EXOC6B: variants seen among roughly 807,000 people sequenced by gnomAD.
EXOC6B encodes the protein exocyst complex component 6B.
In EXOC6B, 54 loss-of-function variants were observed where a neutral mutation model predicts 113.5. The ratio of observed to expected loss-of-function variants is 0.48; its 90% confidence interval spans 0.38 to 0.60. The LOEUF is 0.60. Ranked by LOEUF, EXOC6B falls within the 20% of genes least tolerant of loss-of-function variation. The probability of loss-of-function intolerance (pLI) is 0.00; values close to 1 mark genes in which losing one functional copy is unlikely to be tolerated. For synonymous variants in EXOC6B, 357 were observed against 339.0 expected, an observed-to-expected ratio of 1.05 and a Z score of -0.58; for missense variants, 797 against 977.5, an observed-to-expected ratio of 0.82 and a Z score of 2.46.
chr2:72,212,951 G>A (rs1680288480), intron 20 of EXOC6B, among the ~76,000 whole-genome samples: 1 of 149,672 alleles, frequency 6.7e-6, no homozygotes, highest in Admixed American at 7.0e-5. Flanking sequence ...TCAAGAGGTA[G>A]AGCCTATTAC....
chr2:72,401,622 C>CATAT (rs1364126956), intron 18 of EXOC6B, among the ~76,000 whole-genome samples: 5 of 14,498 alleles, frequency 3.4e-4, no homozygotes, highest in East Asian at 1.1e-3. Context: ...TATATATATA[C>CATAT]ATATATATAT....
At chr2:72,516,314 C>A (rs1441294590) in intron 8 of EXOC6B, among the ~76,000 whole-genome samples, 1 of 152,148 alleles carries the variant, frequency 6.6e-6, no homozygotes, top group African/African-American at 2.4e-5. Flanking sequence ...GTGGCACAGT[C>A]TCGGCTCACT....
intron 19 of EXOC6B, among the ~76,000 whole-genome samples, chr2:72,349,488 T>G (rs190754729): frequency 8.5e-4 from 129 of 152,250 alleles, no homozygotes; most frequent in Non-Finnish European, 1.5e-3. Context: ...GTACTGGAGA[T>G]TGAGCTCAAT....
intron 6 of EXOC6B, among the ~76,000 whole-genome samples, chr2:72,656,383 ATAAC>A (rs1403185480): frequency 2.6e-5 from 4 of 152,120 alleles, no homozygotes; most frequent in African/African-American, 4.8e-5. Flanking sequence ...ATAAAGGAGA[ATAAC>A]TAATTGTAAA....
chr2:72,520,822 T>A (rs1453484735), intron 8 of EXOC6B, among the ~76,000 whole-genome samples: 1 of 152,142 alleles, frequency 6.6e-6, no homozygotes, highest in East Asian at 1.9e-4. Flanking sequence ...AAAACCAGAG[T>A]TAATACAGGA....
intron 6 of EXOC6B, among the ~76,000 whole-genome samples, chr2:72,658,395 G>A (rs1449926124): frequency 6.6e-6 from 1 of 150,454 alleles, no homozygotes; most frequent in African/African-American, 2.4e-5. Context: ...AATGTTAAGT[G>A]CACCAAACAT....
chr2:72,197,584 C>A (rs1160773323), intron 20 of EXOC6B, among the ~76,000 whole-genome samples: 1 of 151,724 alleles, frequency 6.6e-6, no homozygotes, highest in Non-Finnish European at 1.5e-5. Flanking sequence ...ACAAGATGGA[C>A]TAGAGGAGAA....
rs919090132 is a variant in EXOC6B at position 72,807,302 on chromosome 2, GTTGAT to G, written c.113+18491_113+18495del. On this transcript the variant is annotated intron_variant, in intron 1 of 21. Transcript: ENST00000272427. ...AGTGCTTTCCCCATTGCTTGTTTTTGTTGATTTTATCAAAGATCAGATGGTTGTAG... is the reference window on the plus strand; with the variant it reads ...AGTGCTTTCCCCATTGCTTGTTTTTGTTTATCAAAGATCAGATGGTTGTAG... Among the ~76,000 whole-genome samples the G allele has an allele frequency of 8.4e-4, 128 of 152,018 alleles. 1 individual carries two copies. Among genetic ancestry groups the G allele is most frequent in the Non-Finnish European group, 2.9e-4 (20 of 67,978 alleles).
intron 1 of EXOC6B, among the ~76,000 whole-genome samples, chr2:72,778,440 G>A (rs565395950): frequency 1.3e-5 from 2 of 152,266 alleles, no homozygotes; most frequent in African/African-American, 4.8e-5. Flanking sequence ...CAGAAAACTA[G>A]TACTCAAACT....
chr2:72,712,044 C>T lies in EXOC6B; in HGVS notation c.669+6059G>A, dbSNP rs114794873. 2.3e-3 allele frequency among the ~76,000 whole-genome samples: 347 copies of T among 152,250 alleles called. 2 individuals are homozygous for T. The highest frequency in any genetic ancestry group is 7.3e-3 in the African/African-American group (302 of 41,542). On this transcript the variant is annotated intron_variant, in intron 6 of 21. Coordinates refer to ENST00000272427, the MANE Select transcript of EXOC6B (RefSeq NM_015189.3). ...AACAGTAAAATGGACAATTTTGAAA[C>T]TCCTCCTCAGATTCGCTAAATGATT...
intron 6 of EXOC6B, among the ~76,000 whole-genome samples, chr2:72,633,247 C>T (rs1216425267): frequency 6.6e-6 from 1 of 152,224 alleles, no homozygotes; most frequent in Admixed American, 6.5e-5. Flanking sequence ...AGACCTCCAA[C>T]CTCCTACCCC....
intron 5 of EXOC6B, among the ~76,000 whole-genome samples, chr2:72,721,428 C>G (rs377494200): frequency 0.077 from 1,729 of 22,494 alleles, 71 homozygotes; most frequent in African/African-American, 0.19. Flanking sequence ...AAAGGGCCAA[C>G]ATATGAAAAA....
intron 17 of EXOC6B, among the ~76,000 whole-genome samples, chr2:72,480,334 G>T (rs184995143): frequency 1.3e-5 from 2 of 152,254 alleles, no homozygotes; most frequent in East Asian, 3.9e-4. Flanking sequence ...TGTGATGGGG[G>T]TTCAACTTAG....
chr2:72,400,649 T>A, intron 18 of EXOC6B, among the ~76,000 whole-genome samples: 1 of 144,402 alleles, frequency 6.9e-6, no homozygotes, highest in South Asian at 2.2e-4. Context: ...CAGACAATTC[T>A]CAAAAAAAGA....
At chr2:72,437,827 G>A (rs1041947685) in intron 18 of EXOC6B, among the ~76,000 whole-genome samples, 1 of 152,208 alleles carries the variant, frequency 6.6e-6, no homozygotes, top group Non-Finnish European at 1.5e-5. Context: ...TTTAATGACA[G>A]CAAATAATTA....
intron 12 of EXOC6B, 108 bp from the exon 13 acceptor site, chr2:72,498,659 T>C (rs1700168935): frequency 1.6e-6 from 1 of 612,152 alleles, no homozygotes; most frequent in South Asian, 2.2e-5. Flanking sequence ...AAACATTACA[T>C]TCTTTGAACA....
chr2:72,199,597 C>T (rs564955454), intron 20 of EXOC6B, among the ~76,000 whole-genome samples: 40 of 152,254 alleles, frequency 2.6e-4, no homozygotes, highest in African/African-American at 9.4e-4. Flanking sequence ...AAATAGCTTC[C>T]TCTCCACCGC....
At chr2:72,342,553 G>A (rs1022003957) in intron 19 of EXOC6B, among the ~76,000 whole-genome samples, 2 of 152,070 alleles carry the variant, frequency 1.3e-5, no homozygotes, top group Non-Finnish European at 2.9e-5. Context: ...GTTGGTGAGG[G>A]TGTGGAAAAA....
At chr2:72,701,829 A>T (rs1302126273) in intron 6 of EXOC6B, among the ~76,000 whole-genome samples, 4 of 152,134 alleles carry the variant, frequency 2.6e-5, no homozygotes, top group Non-Finnish European at 5.9e-5. Flanking sequence ...GTTTTTAAAA[A>T]CAAGGGCTTT....
Sources: allele counts gnomAD v4.1 joint callset (sites outside exome capture counted in the v4.1 genomes callset), GRCh38; gene constraint gnomAD v4.1.1; transcripts MANE v1.5; gene names NCBI Gene and HGNC (gene_info 2026-07-23, HGNC 2026-07-21).